The following MAGI2 variants were observed in gnomAD, a reference collection of about 807,000 sequenced individuals.
The protein encoded by MAGI2 is membrane associated guanylate kinase, WW and PDZ domain containing 2, also known as membrane-associated guanylate kinase, WW and PDZ domain-containing protein 2.
Under a neutral mutation model 133.3 loss-of-function variants are expected in MAGI2, and 35 were observed. The ratio of observed to expected loss-of-function variants is 0.26; its 90% CI spans 0.20 to 0.35. MAGI2 has a LOEUF of 0.35. Ranked by LOEUF, MAGI2 falls within the 10% of genes least tolerant of loss-of-function variation. MAGI2 has a pLI of 1.00. For missense variants in MAGI2, 1,636 were observed against 1,863.4 expected (o/e 0.88, Z 2.25); for synonymous variants, 729 against 710.6 (o/e 1.03, Z -0.41).
chr7:78,613,259 A>G (rs1584844892), intron 3 of MAGI2, among the ~76,000 whole-genome samples: 1 of 152,334 alleles, frequency 6.6e-6, no homozygotes, highest in East Asian at 1.9e-4. Context: ...CCTTTCTAAG[A>G]CAGTGTAGCT....
At chr7:78,542,503 A>G (rs1447425164) in intron 3 of MAGI2, among the ~76,000 whole-genome samples, 1 of 152,238 alleles carries the variant, frequency 6.6e-6, no homozygotes, top group Non-Finnish European at 1.5e-5. Flanking sequence ...AGAGAGGGTA[A>G]CAGAGAGAAC....
Position 78,929,675 on chromosome 7 carries a change from T to G in MAGI2, c.418+77415A>C, listed in dbSNP as rs528834439. On this transcript the variant is annotated intron_variant, in intron 2 of 21. Transcript: ENST00000354212. ...TTTTATGGTTCCTTCTGGGTCCCTC[T>G]TATAAGGACTGTTGTCATTACATCA... Among the ~76,000 whole-genome samples, 4 of 152,174 alleles carry G rather than the reference T, an allele frequency of 2.6e-5. No homozygotes were observed. The South Asian group carries it at 8.3e-4, about 32-fold the overall frequency.
At chr7:79,224,159 C>G (rs1830664653) in intron 1 of MAGI2, among the ~76,000 whole-genome samples, 1 of 152,018 alleles carries the variant, frequency 6.6e-6, no homozygotes, top group African/African-American at 2.4e-5. Context: ...GAATCCTAAA[C>G]TGTTCTTGTT....
chr7:78,091,383 T>C (rs1171666443), intron 20 of MAGI2, among the ~76,000 whole-genome samples: 1 of 152,176 alleles, frequency 6.6e-6, no homozygotes, highest in African/African-American at 2.4e-5. Context: ...TTATACCAGA[T>C]ATTGGTGCCT....
At chr7:78,789,269 CAT>C (rs1442359346) in intron 2 of MAGI2, among the ~76,000 whole-genome samples, 4 of 152,064 alleles carry the variant, frequency 2.6e-5, no homozygotes, top group African/African-American at 9.7e-5. Flanking sequence ...ATCTCACAAA[CAT>C]ATATTTGATT....
At chr7:78,865,051 G>A (rs889392083) in intron 2 of MAGI2, among the ~76,000 whole-genome samples, 2 of 152,166 alleles carry the variant, frequency 1.3e-5, no homozygotes, top group African/African-American at 4.8e-5. Flanking sequence ...GCCTAGTGCT[G>A]TCAGGAGAGT....
At chr7:78,193,132 A>G (rs895797297) in intron 12 of MAGI2, among the ~76,000 whole-genome samples, 1 of 152,226 alleles carries the variant, frequency 6.6e-6, no homozygotes, top group Non-Finnish European at 1.5e-5. Context: ...AACTGAGGGC[A>G]CAATGGTATC....
intron 6 of MAGI2, among the ~76,000 whole-genome samples, chr7:78,450,439 A>G (rs755983817): frequency 6.6e-6 from 1 of 152,060 alleles, no homozygotes; most frequent in African/African-American, 2.4e-5. Flanking sequence ...AAATTAATCA[A>G]CTCAAATAAG....
intron 2 of MAGI2, among the ~76,000 whole-genome samples, chr7:78,772,168 A>G (rs1342756985): frequency 6.6e-6 from 1 of 152,222 alleles, no homozygotes; most frequent in East Asian, 1.9e-4. Flanking sequence ...TTTAATATCC[A>G]GTGGAGACCA....
chr7:79,375,229 A>G (rs1843304203), intron 1 of MAGI2, among the ~76,000 whole-genome samples: 1 of 152,014 alleles, frequency 6.6e-6, no homozygotes, highest in Admixed American at 6.6e-5. Context: ...ATTCTGTATG[A>G]AAAAAGGAAC....
intron 4 of MAGI2, among the ~76,000 whole-genome samples, chr7:78,505,824 T>C (rs1486198083): frequency 6.6e-6 from 1 of 152,060 alleles, no homozygotes; most frequent in Admixed American, 6.6e-5. Flanking sequence ...ATATAAAGAG[T>C]CAGGGAAAAC....
At chr7:79,188,408 AG>A (rs1827354270) in intron 1 of MAGI2, among the ~76,000 whole-genome samples, 1 of 151,844 alleles carries the variant, frequency 6.6e-6, no homozygotes, top group Non-Finnish European at 1.5e-5. Context: ...TAGTTTGCTG[AG>A]GATAATGGTT....
At chr7:78,432,235 T>C (rs1223685889) in intron 6 of MAGI2, among the ~76,000 whole-genome samples, 3 of 151,702 alleles carry the variant, frequency 2.0e-5, no homozygotes, top group Non-Finnish European at 4.4e-5. Context: ...AAACTAGCTT[T>C]TCTTTTTGCC....
rs1222816794 is a variant in MAGI2, at chr7:79,200,890, TAGA to T, written c.302-193687_302-193685del. Among the ~76,000 whole-genome samples, 56 of 152,068 alleles carry T rather than the reference TAGA, an allele frequency of 3.7e-4. No individual in the cohort carries two copies. The Middle Eastern group carries it at 0.01, about 28-fold the overall frequency. ...GCATTAGCATCAATAGCAGGCAAAA[TAGA>T]AGGTGACCAATTAGATATAAATTGA... On this transcript the variant is annotated intron_variant, in intron 1 of 21. Coordinates refer to ENST00000354212, the MANE Select transcript of MAGI2 (RefSeq NM_012301.4).
intron 3 of MAGI2, among the ~76,000 whole-genome samples, chr7:78,559,708 T>A (rs1800215643): frequency 6.6e-6 from 1 of 152,184 alleles, no homozygotes; most frequent in African/African-American, 2.4e-5. Context: ...ATTCATTTTT[T>A]CTGTGCCTCC....
At chr7:78,564,386 A>C (rs1483826262) in intron 3 of MAGI2, among the ~76,000 whole-genome samples, 1 of 152,214 alleles carries the variant, frequency 6.6e-6, no homozygotes, top group Non-Finnish European at 1.5e-5. Flanking sequence ...CATAACCACT[A>C]AATACTTGTA....
At chr7:78,267,475 T>C (rs1269483002) in intron 9 of MAGI2, among the ~76,000 whole-genome samples, 1 of 152,178 alleles carries the variant, frequency 6.6e-6, no homozygotes, top group East Asian at 1.9e-4. Context: ...TTATTTCCAA[T>C]TTCAGTTTCA....
At chr7:78,813,400 T>C (rs1284853981) in intron 2 of MAGI2, among the ~76,000 whole-genome samples, 1 of 152,230 alleles carries the variant, frequency 6.6e-6, no homozygotes, top group East Asian at 1.9e-4. Flanking sequence ...TGAGAATCTA[T>C]TAATGTTACC....
intron 1 of MAGI2, among the ~76,000 whole-genome samples, chr7:79,205,477 A>C (rs1353402130): frequency 6.6e-6 from 1 of 152,016 alleles, no homozygotes; most frequent in Non-Finnish European, 1.5e-5. Context: ...CTGTCTTATA[A>C]GACATGCTAA....
Sources: allele counts gnomAD v4.1 joint callset (sites outside exome capture counted in the v4.1 genomes callset), GRCh38; gene constraint gnomAD v4.1.1; transcripts MANE v1.5; gene names NCBI Gene and HGNC (gene_info 2026-07-23, HGNC 2026-07-21).